Variants in ADCY1 observed in about 807,000 individuals in gnomAD.
ADCY1 encodes the protein adenylate cyclase type 1.
ADCY1 carries 28 observed loss-of-function variants against 105.4 expected under a neutral mutation model. The observed-to-expected ratio is 0.27, with a 90% CI of 0.20 to 0.36. The LOEUF (loss-of-function observed/expected upper bound fraction) is 0.36, where lower values mean the gene tolerates loss of function less well. ADCY1 is among the 10% of genes least tolerant of loss of function. The pLI, the probability that ADCY1 is intolerant of heterozygous loss-of-function variation, is 1.00. For synonymous variants in ADCY1, 655 were observed against 623.8 expected, an observed-to-expected ratio of 1.05 and a Z score of -0.75; for missense variants, 977 against 1,434.2, an observed-to-expected ratio of 0.68 and a Z score of 5.15.
intron 3 of ADCY1, among the ~76,000 whole-genome samples, chr7:45,614,984 A>G (rs557566990): frequency 6.6e-6 from 1 of 152,348 alleles, no homozygotes; most frequent in East Asian, 1.9e-4. Context: ...GACAAGATCA[A>G]AAAGAAAGCA....
intron 17 of ADCY1, among the ~76,000 whole-genome samples, chr7:45,706,100 A>T (rs565495193): frequency 5.3e-5 from 8 of 152,240 alleles, no homozygotes; most frequent in Non-Finnish European, 8.8e-5. Context: ...AGGAGTCAGT[A>T]TTGTTAAGAT....
Position 45,575,029 on chromosome 7 carries a change from G to A in ADCY1, c.486G>A (p.Gly162=). Residue 162 remains glycine, a synonymous_variant, in exon 1 of 20, where the codon GGG becomes GGA. Coordinates refer to ENST00000297323, the MANE Select transcript of ADCY1 (RefSeq NM_021116.4). The surrounding 1 kb of genome is among the most constrained non-coding windows in gnomAD (Gnocchi z 4.7). ...AAGGPATAEQ[G]VWQLLLVTFV... ...GGGGGCCAGCGACCGCCGAACAAGG[G>A]GTTTGGCAGCTCCTTTTGGTCACCT... 7.4e-6 allele frequency: 12 copies of A among 1,612,500 alleles called. No homozygotes were observed. Among genetic ancestry groups the A allele is most frequent in the Non-Finnish European group, 1.0e-5 (12 of 1,179,774 alleles).
At chr7:45,626,386 C>T (rs80046059) in intron 4 of ADCY1, among the ~76,000 whole-genome samples, 1,920 of 152,262 alleles carry the variant, frequency 0.013, 24 homozygotes, top group South Asian at 0.059. Flanking sequence ...GGCCTCTGGG[C>T]GGTGGAGTGT....
intron 4 of ADCY1, among the ~76,000 whole-genome samples, chr7:45,648,445 G>T (rs1166679879): frequency 1.3e-5 from 2 of 152,262 alleles, no homozygotes; most frequent in African/African-American, 4.8e-5. Flanking sequence ...GGCCATGAGC[G>T]AGGTATGGGG....
At chr7:45,655,068 T>C (rs1233770151) in intron 5 of ADCY1, among the ~76,000 whole-genome samples, 2 of 152,330 alleles carry the variant, frequency 1.3e-5, no homozygotes, top group Non-Finnish European at 2.9e-5. Context: ...TCTCTTTTTT[T>C]CCCCCTGTTA....
intron 2 of ADCY1, among the ~76,000 whole-genome samples, chr7:45,605,083 G>A (rs1460778071): frequency 6.6e-6 from 1 of 152,106 alleles, no homozygotes; most frequent in African/African-American, 2.4e-5. Context: ...TTGAGCAACT[G>A]TAAATGGTAT....
intron 14 of ADCY1, among the ~76,000 whole-genome samples, chr7:45,701,759 T>A (rs1324621754): frequency 6.6e-6 from 1 of 152,094 alleles, no homozygotes; most frequent in Non-Finnish European, 1.5e-5. Context: ...AAATTGAAGG[T>A]TTCTGACCTT....
intron 8 of ADCY1, chr7:45,664,739 A>G (rs1795224850): frequency 5.3e-6 from 1 of 190,466 alleles, no homozygotes; most frequent in Non-Finnish European, 1.1e-5. Flanking sequence ...TCCTTCCATT[A>G]TTAAATACTT....
intron 2 of ADCY1, among the ~76,000 whole-genome samples, chr7:45,595,050 C>T (rs1380792559): frequency 6.6e-6 from 1 of 152,146 alleles, no homozygotes; most frequent in Non-Finnish European, 1.5e-5. Context: ...ATTTAGATAC[C>T]ACGTTCTAAA....
intron 11 of ADCY1, among the ~76,000 whole-genome samples, chr7:45,680,121 A>T (rs143468021): frequency 1.2e-3 from 185 of 152,350 alleles, no homozygotes; most frequent in African/African-American, 4.2e-3. Flanking sequence ...CACTGGGCAC[A>T]TGCACTCCTT....
chr7:45,656,865 A>G (rs1010753456), intron 5 of ADCY1, among the ~76,000 whole-genome samples: 2 of 152,230 alleles, frequency 1.3e-5, no homozygotes, highest in African/African-American at 2.4e-5. Context: ...GATGGAATAG[A>G]AAGAGGAGGT....
rs534826004 is a variant in ADCY1, at chr7:45,607,145, A to G, written c.790-3234A>G. On this transcript the variant is annotated intron_variant, in intron 2 of 19. Coordinates refer to ENST00000297323, the MANE Select transcript of ADCY1 (RefSeq NM_021116.4). ...TGCTGCTAATCCAATGGACAGAGCT[A>G]ATGCTGAGCCCTTGGTTAGAAATGC... 5.9e-5 allele frequency among the ~76,000 whole-genome samples: 9 copies of G among 152,328 alleles called. No homozygotes were observed. In the Middle Eastern group the frequency reaches 0.01, roughly 173 times the overall value.
At chr7:45,672,949 T>C (rs1184031434) in intron 8 of ADCY1, among the ~76,000 whole-genome samples, 1 of 152,192 alleles carries the variant, frequency 6.6e-6, no homozygotes, top group African/African-American at 2.4e-5. Context: ...AGGCATTTTG[T>C]AGATGTTCTT....
rs56341072 is a variant in ADCY1 at position 45,717,295 on chromosome 7, C to A, written c.*3300C>A. On this transcript the variant is annotated 3_prime_UTR_variant, in exon 20 of 20. Transcript: ENST00000297323. ...CTTGGCAAGGTCTCCACTTCAGGGG[C>A]AAACATCTCCATCATCAGCAACTCC... is the stretch of plus-strand genomic sequence containing the variant. 0.019 allele frequency: 2,837 copies of A among 152,434 alleles called. 41 individuals are homozygous for A. The highest frequency in any genetic ancestry group is 0.054 in the Middle Eastern group (16 of 294). 9.4% of individuals were successfully genotyped at this position (152,434 alleles called of 1,614,324 possible).
chr7:45,583,206 T>C (rs62459975), intron 1 of ADCY1, among the ~76,000 whole-genome samples: 471 of 152,372 alleles, frequency 3.1e-3, no homozygotes, highest in Non-Finnish European at 5.1e-3. Flanking sequence ...TGCATGCCCA[T>C]GTGCATGTGT....
chr7:45,610,748 T>TG (rs2115864091), intron 3 of ADCY1, among the ~76,000 whole-genome samples: 1 of 142,554 alleles, frequency 7.0e-6, no homozygotes, highest in South Asian at 2.3e-4. Context: ...GGGGAGGTGA[T>TG]GATGGAGGTG....
intron 7 of ADCY1, among the ~76,000 whole-genome samples, chr7:45,661,442 T>C (rs1025898854): frequency 4.6e-5 from 7 of 151,952 alleles, no homozygotes; most frequent in Non-Finnish European, 8.8e-5. Context: ...GCAGGAACTT[T>C]GGACTCACTC....
At position 45,720,106 on chromosome 7, in the gene ADCY1, CTGAG is replaced by C. The variant is rs1785443118; in HGVS notation, c.*6114_*6117del. 6.6e-6 allele frequency: 1 copy of C among 152,134 alleles called. No homozygotes were observed. The highest frequency in any genetic ancestry group is 2.4e-5 in the African/African-American group (1 of 41,412). The allele number at this position is 152,134 out of a possible 1,614,324, so 9.4% of individuals were successfully genotyped here. On this transcript the variant is annotated 3_prime_UTR_variant, in exon 20 of 20. Transcript: ENST00000297323. Reference sequence around the variant, plus strand: ...CGATTTGGAGGCCAGGCCTTCCCAGCTGAGTGTCTGTCAGCTTCATTCTCTCTCA... The same window carrying C: ...CGATTTGGAGGCCAGGCCTTCCCAGCTGTCTGTCAGCTTCATTCTCTCTCA...
chr7:45,585,968 T>C (rs1363582559), intron 1 of ADCY1, among the ~76,000 whole-genome samples: 1 of 152,086 alleles, frequency 6.6e-6, no homozygotes, highest in Non-Finnish European at 1.5e-5. Context: ...TTCATTGATC[T>C]TCTGGGCAGG....
Sources: gnomAD v4.1 joint callset for allele counts (sites outside exome capture counted in the v4.1 genomes callset) on GRCh38, gnomAD v4.1.1 for gene constraint, Gnocchi (gnomAD v3.1) non-coding constraint, MANE v1.5 for transcripts, NCBI Gene and HGNC (gene_info 2026-07-23, HGNC 2026-07-21) for gene names.